XKR4: variants seen among roughly 807,000 people sequenced by gnomAD.
XKR4 encodes XK-related protein 4.
A neutral mutation model predicts 53.9 loss-of-function variants in XKR4; 12 were observed. That is an observed-to-expected ratio of 0.22 (90% CI 0.14 to 0.36). The LOEUF is 0.36. XKR4 is among the 10% of genes least tolerant of loss of function. The probability of loss-of-function intolerance (pLI) is 1.00; values close to 1 mark genes in which losing one functional copy is unlikely to be tolerated. For missense variants in XKR4, 799 were observed against 859.5 expected (o/e 0.93, Z 0.88); for synonymous variants, 354 against 362.4 (o/e 0.98, Z 0.26).
At chr8:55,105,292 T>A (rs1204989649) in intron 1 of XKR4, among the ~76,000 whole-genome samples, 1 of 146,050 alleles carries the variant, frequency 6.8e-6, no homozygotes, top group Non-Finnish European at 1.5e-5. Context: ...CCTAAAAACA[T>A]GTCAGAGAGA....
intron 2 of XKR4, among the ~76,000 whole-genome samples, chr8:55,435,759 G>T (rs1585571490): frequency 6.6e-6 from 1 of 151,950 alleles, no homozygotes; most frequent in African/African-American, 2.4e-5. Context: ...ATTGTGATAA[G>T]GTCTTGCCAC....
intron 2 of XKR4, among the ~76,000 whole-genome samples, chr8:55,364,039 G>A (rs189380243): frequency 6.6e-6 from 1 of 152,254 alleles, no homozygotes; most frequent in African/African-American, 2.4e-5. Flanking sequence ...TTTTGTAGAA[G>A]GATCAATAAT....
chr8:55,294,724 G>A lies in XKR4; in HGVS notation c.807-62954G>A, dbSNP rs560169782. 2.6e-5 allele frequency among the ~76,000 whole-genome samples: 4 copies of A among 152,218 alleles called. No homozygotes were observed. The South Asian group carries it at 6.2e-4, about 24-fold the overall frequency. On this transcript the variant is annotated intron_variant, in intron 1 of 2. Transcript: ENST00000327381. Reference sequence around the variant, plus strand: ...ATCTTAAGATTTGGCAAATTTATTTGTCTAATATTCCTTTAGCATACTTCT... The same window carrying A: ...ATCTTAAGATTTGGCAAATTTATTTATCTAATATTCCTTTAGCATACTTCT...
intron 2 of XKR4, among the ~76,000 whole-genome samples, chr8:55,397,752 T>G (rs1304741560): frequency 6.6e-6 from 1 of 152,126 alleles, no homozygotes; most frequent in Non-Finnish European, 1.5e-5. Flanking sequence ...AAGCCCTTCA[T>G]CAATGGTCTT....
intron 2 of XKR4, among the ~76,000 whole-genome samples, chr8:55,377,982 C>A (rs952829965): frequency 1.3e-5 from 2 of 152,200 alleles, no homozygotes; most frequent in Non-Finnish European, 2.9e-5. Flanking sequence ...ATGCTCGAGG[C>A]AACCTGTTGC....
intron 1 of XKR4, among the ~76,000 whole-genome samples, chr8:55,108,448 T>A (rs1466902383): frequency 6.6e-6 from 1 of 152,180 alleles, no homozygotes; most frequent in Admixed American, 6.5e-5. Context: ...ATTATTCATC[T>A]CTGACTCAGT....
chr8:55,206,206 G>T (rs774764509), intron 1 of XKR4, among the ~76,000 whole-genome samples: 1 of 152,132 alleles, frequency 6.6e-6, no homozygotes, highest in Non-Finnish European at 1.5e-5. Flanking sequence ...GGGCCGGAGC[G>T]GGTTGCCACT....
At chr8:55,203,597 A>G (rs1817604490) in intron 1 of XKR4, among the ~76,000 whole-genome samples, 1 of 152,172 alleles carries the variant, frequency 6.6e-6, no homozygotes, top group Admixed American at 6.5e-5. Context: ...AGATTGTGGC[A>G]GGGGCAGCAG....
At chr8:55,434,232 T>G (rs1805142952) in intron 2 of XKR4, among the ~76,000 whole-genome samples, 1 of 152,244 alleles carries the variant, frequency 6.6e-6, no homozygotes, top group South Asian at 2.1e-4. Flanking sequence ...CTCTCTGTTC[T>G]CTAAAACTTG....
intron 1 of XKR4, among the ~76,000 whole-genome samples, chr8:55,234,748 A>T (rs1818094889): frequency 6.6e-6 from 1 of 152,224 alleles, no homozygotes; most frequent in African/African-American, 2.4e-5. Context: ...TGAATGGCTC[A>T]TCATCAAGAA....
intron 1 of XKR4, among the ~76,000 whole-genome samples, chr8:55,181,124 G>A (rs1362748101): frequency 6.6e-6 from 1 of 152,182 alleles, no homozygotes; most frequent in African/African-American, 2.4e-5. Flanking sequence ...ACAAGAAAAT[G>A]AACCAAGTCT....
Position 55,221,215 on chromosome 8 carries a change from A to G in XKR4, c.806+117921A>G, listed in dbSNP as rs538344460. Among the ~76,000 whole-genome samples the G allele has an allele frequency of 2.7e-4, 41 of 152,328 alleles. No individual in the cohort carries two copies. In the South Asian group the frequency reaches 7.1e-3, roughly 26 times the overall value. ...TCTTACTTTTATTGCCTGTCAACCT[A>G]TGGATAAAACAATACAAAAATTATA... is the stretch of plus-strand genomic sequence containing the variant. On this transcript the variant is annotated intron_variant, in intron 1 of 2. Coordinates refer to ENST00000327381, the MANE Select transcript of XKR4 (RefSeq NM_052898.2).
At chr8:55,142,214 A>G (rs1816716329) in intron 1 of XKR4, 1 of 455,854 alleles carries the variant, frequency 2.2e-6, no homozygotes, top group Non-Finnish European at 4.4e-6. Context: ...GTCAAACGGC[A>G]GAACTTCATG....
chr8:55,253,637 G>C (rs1196637001), intron 1 of XKR4, among the ~76,000 whole-genome samples: 1 of 152,034 alleles, frequency 6.6e-6, no homozygotes, highest in Non-Finnish European at 1.5e-5. Flanking sequence ...ATTTAGAGAA[G>C]ATCAAAGCCA....
chr8:55,149,100 G>A (rs1816807800), intron 1 of XKR4, among the ~76,000 whole-genome samples: 1 of 151,968 alleles, frequency 6.6e-6, no homozygotes, highest in South Asian at 2.1e-4. Flanking sequence ...AAACAAGTTT[G>A]TAATGAATGT....
intron 2 of XKR4, among the ~76,000 whole-genome samples, chr8:55,468,473 G>A (rs1045562858): frequency 6.6e-6 from 1 of 151,476 alleles, no homozygotes; most frequent in African/African-American, 2.4e-5. Context: ...TTCTTAATAT[G>A]GGACCTAAAA....
chr8:55,357,834 G>C lies in XKR4; in HGVS notation c.963G>C (p.Gln321His). The C allele has an allele frequency of 6.2e-7, 1 of 1,614,170 alleles. No homozygotes were observed. The highest frequency in any genetic ancestry group is 1.3e-5 in the African/African-American group (1 of 75,056). ...AAAGTGCTCCACAGCTGGTCCTGCAGCTCTGCATTATCGTACAGACTCATA... is the reference window on the plus strand; with the variant it reads ...AAAGTGCTCCACAGCTGGTCCTGCACCTCTGCATTATCGTACAGACTCATA... ...FLESAPQLVL[Q>H]LCIIVQTHSL... Residue 321 changes from glutamine to histidine, a missense_variant, in exon 2 of 3, where the codon CAG (glutamine) becomes CAC (histidine). Coordinates refer to ENST00000327381, the MANE Select transcript of XKR4 (RefSeq NM_052898.2).
At chr8:55,299,727 A>G (rs780971552) in intron 1 of XKR4, among the ~76,000 whole-genome samples, 8 of 152,116 alleles carry the variant, frequency 5.3e-5, no homozygotes, top group Non-Finnish European at 1.0e-4. Flanking sequence ...GACAGCTGGA[A>G]TTCTGTTGTG....
chr8:55,170,965 C>T (rs1406101060), intron 1 of XKR4, among the ~76,000 whole-genome samples: 1 of 152,162 alleles, frequency 6.6e-6, no homozygotes, highest in Non-Finnish European at 1.5e-5. Context: ...TCAGTATTAT[C>T]TGATAATTTC....
Sources: allele counts gnomAD v4.1 joint callset (sites outside exome capture counted in the v4.1 genomes callset), GRCh38; gene constraint gnomAD v4.1.1; transcripts MANE v1.5; gene names NCBI Gene and HGNC (gene_info 2026-07-23, HGNC 2026-07-21).